Variants in NR1I2 observed in about 807,000 individuals in gnomAD.
The protein encoded by NR1I2 is orphan nuclear receptor PAR1.
NR1I2 carries 42 observed loss-of-function variants against 43.3 expected under a neutral mutation model. The observed-to-expected ratio is 0.97, with a 90% CI of 0.76 to 1.26. NR1I2 has a LOEUF of 1.26. Ranked by LOEUF, NR1I2 falls within the 50% of genes most tolerant of loss-of-function variation. The pLI, the probability that NR1I2 is intolerant of heterozygous loss-of-function variation, is 0.00. For synonymous variants in NR1I2, 229 were observed against 215.0 expected, an observed-to-expected ratio of 1.06 and a Z score of -0.57; for missense variants, 559 against 566.7, an observed-to-expected ratio of 0.99 and a Z score of 0.14.
At chr3:119,800,423 T>C (rs994530681) in intron 1 of NR1I2, among the ~76,000 whole-genome samples, 2 of 152,218 alleles carry the variant, frequency 1.3e-5, no homozygotes, top group African/African-American at 4.8e-5. Context: ...AATCAAAAAG[T>C]GTAAGTCCTC....
In NR1I2 at chr3:119,782,617, G is replaced by A. The variant is rs2054789113; in HGVS notation, c.-23+317G>A. The A allele has an allele frequency of 4.6e-6, 3 of 655,210 alleles. No individual in the cohort carries two copies. The Admixed American group carries it at 6.8e-5, about 15-fold the overall frequency. The allele number at this position is 655,210 out of a possible 1,614,324, so 40.6% of individuals were successfully genotyped here. On this transcript the variant is annotated intron_variant, in intron 1 of 8. Coordinates refer to ENST00000393716, the MANE Select transcript of NR1I2 (RefSeq NM_003889.4). ...CATACAACCAGCTCCCTGTTACAGGGCTGGAGTCCCTGGACCCAGGAAATA... is the reference window on the plus strand; with the variant it reads ...CATACAACCAGCTCCCTGTTACAGGACTGGAGTCCCTGGACCCAGGAAATA...
intron 1 of NR1I2, among the ~76,000 whole-genome samples, chr3:119,788,242 G>T (rs2472674): frequency 0.55 from 83,832 of 151,508 alleles, 24,186 homozygotes; most frequent in East Asian, 0.76. Flanking sequence ...GCCCCCCAGA[G>T]AGCTGGGACT....
intron 1 of NR1I2, among the ~76,000 whole-genome samples, chr3:119,791,275 G>C (rs1362613810): frequency 6.6e-6 from 1 of 152,182 alleles, no homozygotes; most frequent in Admixed American, 6.5e-5. Context: ...TTGGGCACCA[G>C]GAGCTTCTCT....
chr3:119,805,902 A>T (rs2055152972), intron 1 of NR1I2, among the ~76,000 whole-genome samples: 1 of 151,842 alleles, frequency 6.6e-6, no homozygotes, highest in Non-Finnish European at 1.5e-5. Context: ...AAAATCAGGG[A>T]TTTTCCCCTG....
chr3:119,790,524 C>T (rs1314415196), intron 1 of NR1I2, among the ~76,000 whole-genome samples: 1 of 152,202 alleles, frequency 6.6e-6, no homozygotes, highest in African/African-American at 2.4e-5. Context: ...ATTCCTACCA[C>T]CTGAGTCCAA....
chr3:119,793,486 G>A (rs1485272358), intron 1 of NR1I2, among the ~76,000 whole-genome samples: 1 of 152,328 alleles, frequency 6.6e-6, no homozygotes. Context: ...GGAGGCTGTA[G>A]GGGAGGATCA....
Position 119,803,142 on chromosome 3 carries a change from G to A in NR1I2, c.-22-4087G>A, listed in dbSNP as rs1363439768. On this transcript the variant is annotated intron_variant, in intron 1 of 8. Coordinates refer to ENST00000393716, the MANE Select transcript of NR1I2 (RefSeq NM_003889.4). Reference sequence around the variant, plus strand: ...AGCCCAGAAGTTGCAGACAAGCCTGGGCAATATGGGGAAACCCTGCCTCTA... The same window carrying A: ...AGCCCAGAAGTTGCAGACAAGCCTGAGCAATATGGGGAAACCCTGCCTCTA... Among the ~76,000 whole-genome samples the A allele has an allele frequency of 2.6e-5, 4 of 151,730 alleles. No individual in the cohort carries two copies. The East Asian group carries it at 7.8e-4, about 29-fold the overall frequency.
chr3:119,805,570 G>A (rs4688041), intron 1 of NR1I2, among the ~76,000 whole-genome samples: 6,419 of 151,908 alleles, frequency 0.042, 193 homozygotes, highest in Middle Eastern at 0.092. Flanking sequence ...GGGCATGGTC[G>A]TGGGTGCCTG....
chr3:119,804,181 C>T (rs1028604985), intron 1 of NR1I2, among the ~76,000 whole-genome samples: 11 of 150,880 alleles, frequency 7.3e-5, no homozygotes, highest in African/African-American at 2.2e-4. Context: ...ACCATCCTGG[C>T]CAACATGGTG....
chr3:119,807,475 C>G, intron 2 of NR1I2, 28 bp downstream of exon 2: 1 of 1,586,824 alleles, frequency 6.3e-7, no homozygotes, highest in Non-Finnish European at 8.6e-7. Context: ...CCTTCACCCA[C>G]GTGCCACCAC....
chr3:119,790,332 A>G (rs1325397741), intron 1 of NR1I2, among the ~76,000 whole-genome samples: 1 of 152,160 alleles, frequency 6.6e-6, no homozygotes, highest in East Asian at 1.9e-4. Context: ...GGTTGCTTCT[A>G]CATTTTGTCT....
Position 119,811,587 on chromosome 3 carries a change from G to A in NR1I2, c.380G>A (p.Arg127Gln), listed in dbSNP as rs371659081. ...GAGGAGAGGCGGGCCTTGATCAAGCGGAAGAAAAGTGAACGGACAGGGACT... is the reference window on the plus strand; with the variant it reads ...GAGGAGAGGCGGGCCTTGATCAAGCAGAAGAAAAGTGAACGGACAGGGACT... Residue 127 changes from arginine to glutamine, a missense_variant, in exon 4 of 9, where the codon CGG (arginine) becomes CAG (glutamine). Around this residue, in one of 3 missense-constraint regions of NR1I2, gnomAD observed 232 missense variants for 236.6 expected, o/e 0.98. Coordinates refer to ENST00000393716, the MANE Select transcript of NR1I2 (RefSeq NM_003889.4). 278 of 1,613,662 alleles carry A rather than the reference G, an allele frequency of 1.7e-4. No individual in the cohort carries two copies. The highest frequency in any genetic ancestry group is 6.6e-4 in the Middle Eastern group (4 of 6,082).
chr3:119,813,425 G>T (rs1489873058), intron 5 of NR1I2, among the ~76,000 whole-genome samples: 1 of 152,202 alleles, frequency 6.6e-6, no homozygotes, highest in Non-Finnish European at 1.5e-5. Flanking sequence ...GGTCTCCCCA[G>T]AGCTAGATGT....
rs146128653 is a variant in NR1I2 at position 119,812,954 on chromosome 3, A to G, written c.788A>G (p.Tyr263Cys). 7.4e-6 allele frequency: 12 copies of G among 1,613,244 alleles called. No homozygotes were observed. The East Asian group carries it at 8.9e-5, about 12-fold the overall frequency. ...ATCAGCTTTGCCAAAGTCATCTCCT[A>G]CTTCAGGTAGGACATGGAGACTGGG... The change falls in exon 5 of 9, where the codon TAC becomes TGC. Residue 263 changes from tyrosine (Y) to cysteine (C), a missense_variant. Tyr to Cys is a radical substitution (Grantham distance 194). Transcript: ENST00000393716.
At chr3:119,801,976 C>A (rs1452641699) in intron 1 of NR1I2, among the ~76,000 whole-genome samples, 1 of 152,204 alleles carries the variant, frequency 6.6e-6, no homozygotes, top group African/African-American at 2.4e-5. Flanking sequence ...TGGCTTAGGG[C>A]TCTCCAAAGA....
At chr3:119,790,256 C>T (rs1405836215) in intron 1 of NR1I2, among the ~76,000 whole-genome samples, 1 of 152,114 alleles carries the variant, frequency 6.6e-6, no homozygotes. Context: ...TTTTTTAAGG[C>T]TGACTCATAT....
chr3:119,803,844 G>A (rs1385570648), intron 1 of NR1I2, among the ~76,000 whole-genome samples: 1 of 151,402 alleles, frequency 6.6e-6, no homozygotes, highest in Non-Finnish European at 1.5e-5. Flanking sequence ...TGCAACCTCT[G>A]CCTCCCAGGT....
At chr3:119,798,560 A>G (rs2055030344) in intron 1 of NR1I2, among the ~76,000 whole-genome samples, 1 of 150,348 alleles carries the variant, frequency 6.7e-6, no homozygotes, top group Non-Finnish European at 1.5e-5. Context: ...GAATGGCGTG[A>G]ACCCGGGGGG....
At chr3:119,806,034 C>A (rs1317698489) in intron 1 of NR1I2, among the ~76,000 whole-genome samples, 1 of 152,142 alleles carries the variant, frequency 6.6e-6, no homozygotes, top group Non-Finnish European at 1.5e-5. Flanking sequence ...TGTCACCTGT[C>A]ATGATGTTGG....
Sources: gnomAD v4.1 joint callset for allele counts (sites outside exome capture counted in the v4.1 genomes callset) on GRCh38, gnomAD v4.1.1 for gene constraint, gnomAD v4.1.1 regional missense constraint, MANE v1.5 for transcripts, NCBI Gene and HGNC (gene_info 2026-07-23, HGNC 2026-07-21) for gene names.